The following ADCY8 variants were observed in gnomAD, a reference collection of about 807,000 sequenced individuals.
ADCY8 encodes adenylate cyclase 8.
ADCY8 carries 51 observed loss-of-function variants against 119.7 expected under a neutral mutation model. The observed-to-expected ratio is 0.43, with a 90% CI of 0.34 to 0.54. ADCY8 has a LOEUF of 0.54. Ranked by LOEUF, ADCY8 falls within the 20% of genes least tolerant of loss-of-function variation. ADCY8 has a pLI of 0.03. For missense variants in ADCY8, 1,383 were observed against 1,598.8 expected, an observed-to-expected ratio of 0.87 and a Z score of 2.30; for synonymous variants, 665 against 651.0, an observed-to-expected ratio of 1.02 and a Z score of -0.33.
chr8:130,857,441 T>A (rs1293292326), intron 9 of ADCY8, among the ~76,000 whole-genome samples: 2 of 152,206 alleles, frequency 1.3e-5, no homozygotes, highest in Non-Finnish European at 2.9e-5. Flanking sequence ...CTGTAACTTG[T>A]CTCTTTATCC....
intron 1 of ADCY8, among the ~76,000 whole-genome samples, chr8:131,028,473 T>C (rs1456377211): frequency 6.6e-6 from 1 of 152,070 alleles, no homozygotes; most frequent in Non-Finnish European, 1.5e-5. Context: ...ACCCGATGAA[T>C]GAGGGTGTGG....
rs897268446 is a variant in ADCY8, at chr8:130,885,333, C to T, written c.1912-572G>A. The stretch of plus-strand genomic sequence containing the variant: ...TTTTTACTTCGCTAATATGTCCCTC[C>T]CTCAGCATAGGCCATTATATATCTA... On this transcript the variant is annotated intron_variant, in intron 7 of 17. Coordinates refer to ENST00000286355, the MANE Select transcript of ADCY8 (RefSeq NM_001115.3). Among the ~76,000 whole-genome samples, 3 of 151,888 alleles carry T rather than the reference C, an allele frequency of 2.0e-5. No homozygotes were observed. The East Asian group carries it at 5.8e-4, about 29-fold the overall frequency.
intron 5 of ADCY8, among the ~76,000 whole-genome samples, chr8:130,915,934 G>A (rs750967757): frequency 2.6e-5 from 4 of 152,124 alleles, no homozygotes; most frequent in Non-Finnish European, 5.9e-5. Context: ...AAAAAACGGT[G>A]CCCTTGAACA....
At chr8:130,958,178 AC>A (rs1237251122) in intron 2 of ADCY8, among the ~76,000 whole-genome samples, 3 of 152,232 alleles carry the variant, frequency 2.0e-5, no homozygotes, top group Admixed American at 6.5e-5. Context: ...CCCAGGACAT[AC>A]CCCAACGCCC....
intron 12 of ADCY8, among the ~76,000 whole-genome samples, chr8:130,833,219 C>A (rs1816891853): frequency 6.6e-6 from 1 of 152,168 alleles, no homozygotes; most frequent in African/African-American, 2.4e-5. Context: ...AAAAAGTGGA[C>A]TTTGGAGTCA....
intron 9 of ADCY8, among the ~76,000 whole-genome samples, chr8:130,866,790 C>A (rs750906185): frequency 1.3e-5 from 2 of 152,112 alleles, no homozygotes; most frequent in Non-Finnish European, 1.5e-5. Context: ...TCCTCATCTA[C>A]GAATGGGAAT....
At chr8:130,995,046 G>T (rs975115205) in intron 1 of ADCY8, among the ~76,000 whole-genome samples, 2 of 152,058 alleles carry the variant, frequency 1.3e-5, no homozygotes, top group African/African-American at 2.4e-5. Context: ...CTAGGTTGTG[G>T]GGAAAATAGT....
At chr8:130,873,530 G>A (rs1170382365) in intron 8 of ADCY8, among the ~76,000 whole-genome samples, 1 of 152,162 alleles carries the variant, frequency 6.6e-6, no homozygotes, top group Admixed American at 6.5e-5. Flanking sequence ...ATGTTGGTCA[G>A]GCTGGTCTTG....
intron 2 of ADCY8, among the ~76,000 whole-genome samples, chr8:130,973,526 C>A (rs893899041): frequency 6.6e-6 from 1 of 152,226 alleles, no homozygotes; most frequent in Non-Finnish European, 1.5e-5. Flanking sequence ...AGTGAGGCTG[C>A]CCTATACCAT....
At chr8:130,880,730 C>T (rs1818739485) in intron 8 of ADCY8, among the ~76,000 whole-genome samples, 1 of 152,166 alleles carries the variant, frequency 6.6e-6, no homozygotes, top group African/African-American at 2.4e-5. Context: ...AGCCTTGGGT[C>T]ACATGACTTG....
chr8:130,870,487 A>T (rs1236110813), intron 8 of ADCY8, among the ~76,000 whole-genome samples: 1 of 151,974 alleles, frequency 6.6e-6, no homozygotes, highest in Non-Finnish European at 1.5e-5. Context: ...TCATCCGATG[A>T]CCTTCTCTGC....
chr8:131,018,905 G>A (rs765546030), intron 1 of ADCY8, among the ~76,000 whole-genome samples: 1 of 152,126 alleles, frequency 6.6e-6, no homozygotes, highest in Non-Finnish European at 1.5e-5. Flanking sequence ...AGGAGGTTAG[G>A]CCTCCATGTC....
intron 8 of ADCY8, among the ~76,000 whole-genome samples, chr8:130,873,571 C>T (rs1818444968): frequency 6.6e-6 from 1 of 152,188 alleles, no homozygotes; most frequent in Admixed American, 6.5e-5. Context: ...CTGCTCGCCT[C>T]AGCCTTCCAA....
At chr8:131,011,835 C>G (rs868588882) in intron 1 of ADCY8, among the ~76,000 whole-genome samples, 1 of 152,146 alleles carries the variant, frequency 6.6e-6, no homozygotes, top group Non-Finnish European at 1.5e-5. Flanking sequence ...AATGCAGGAG[C>G]ACCCTGGTGA....
intron 5 of ADCY8, among the ~76,000 whole-genome samples, chr8:130,926,940 CAT>C (rs10572208): frequency 0.31 from 44,635 of 144,674 alleles, 7,090 homozygotes; most frequent in African/African-American, 0.41. Flanking sequence ...TATTCCATTA[CAT>C]ATATATATAT....
At chr8:130,966,434 G>A (rs1033064616) in intron 2 of ADCY8, among the ~76,000 whole-genome samples, 4 of 152,176 alleles carry the variant, frequency 2.6e-5, no homozygotes, top group African/African-American at 7.2e-5. Flanking sequence ...GGTGGGTTAG[G>A]TGCAGAGGGA....
At chr8:130,981,357 A>G (rs1586627523) in intron 2 of ADCY8, among the ~76,000 whole-genome samples, 2 of 152,240 alleles carry the variant, frequency 1.3e-5, no homozygotes, top group East Asian at 3.8e-4. Context: ...GTTATTTAAA[A>G]AATACTTATT....
At chr8:130,894,278 C>G (rs28577976) in intron 7 of ADCY8, among the ~76,000 whole-genome samples, 17,252 of 152,134 alleles carry the variant, frequency 0.11, 992 homozygotes, top group Non-Finnish European at 0.12. Context: ...GGGGTTGTGC[C>G]TGCTACTTCC....
At chr8:130,901,209 T>A (rs760218032) in intron 7 of ADCY8, among the ~76,000 whole-genome samples, 4 of 151,722 alleles carry the variant, frequency 2.6e-5, no homozygotes, top group Non-Finnish European at 5.9e-5. Context: ...GCTGACTTTG[T>A]CTCTAAAGTG....
Sources: gnomAD v4.1 joint callset for allele counts (sites outside exome capture counted in the v4.1 genomes callset) on GRCh38, gnomAD v4.1.1 for gene constraint, MANE v1.5 for transcripts, NCBI Gene and HGNC (gene_info 2026-07-23, HGNC 2026-07-21) for gene names.